Variants in CCDC30 observed in about 807,000 individuals in gnomAD.
CCDC30 encodes coiled-coil domain-containing protein 30.
In CCDC30, 70 loss-of-function variants were observed where a neutral mutation model predicts 100.2. That is an observed-to-expected ratio of 0.70 (90% confidence interval 0.58 to 0.85). The LOEUF is 0.85. Ranked by LOEUF, CCDC30 falls within the 40% of genes least tolerant of loss-of-function variation. The probability of loss-of-function intolerance (pLI) is 0.00; values close to 1 mark genes in which losing one functional copy is unlikely to be tolerated. For synonymous variants in CCDC30, 233 were observed against 269.5 expected (o/e 0.86, Z 1.33); for missense variants, 652 against 771.2 (o/e 0.85, Z 1.83).
chr1:42,543,272 C>G (rs1645052812), intron 6 of CCDC30, among the ~76,000 whole-genome samples: 2 of 138,334 alleles, frequency 1.4e-5, no homozygotes, highest in Admixed American at 7.0e-5. Context: ...CACAACTGGC[C>G]TTCTTTTTTT....
chr1:42,546,101 G>C (rs947376636), intron 6 of CCDC30, among the ~76,000 whole-genome samples: 22 of 151,628 alleles, frequency 1.5e-4, no homozygotes, highest in African/African-American at 5.1e-4. Flanking sequence ...TATGCGGCCT[G>C]TTACATATGC....
rs142325735 is a variant in CCDC30, at chr1:42,542,186, G to A, written c.457-24110G>A. Among the ~76,000 whole-genome samples the A allele has an allele frequency of 3.8e-3, 584 of 152,268 alleles. 8 individuals carry two copies. Among genetic ancestry groups the A allele is most frequent in the African/African-American group, 0.013 (542 of 41,558 alleles). ...TTCCACAATAGCCATGTCATGGAGGGTCTGATGGCTTTAACTTTCTTTGTT... is the reference window on the plus strand; with the variant it reads ...TTCCACAATAGCCATGTCATGGAGGATCTGATGGCTTTAACTTTCTTTGTT... On this transcript the variant is annotated intron_variant, in intron 6 of 16. Coordinates refer to ENST00000668663, the Ensembl canonical transcript of CCDC30.
At chr1:42,489,253 T>C (rs1339290839) in intron 3 of CCDC30, among the ~76,000 whole-genome samples, 1 of 152,258 alleles carries the variant, frequency 6.6e-6, no homozygotes, top group Non-Finnish European at 1.5e-5. Context: ...TGCTTAACTT[T>C]TCTGAGTCTT....
At chr1:42,469,151 G>A (rs889063460) in intron 1 of CCDC30, among the ~76,000 whole-genome samples, 2 of 152,146 alleles carry the variant, frequency 1.3e-5, no homozygotes, top group Non-Finnish European at 2.9e-5. Context: ...GGCTGAAATG[G>A]GAGGATCACT....
chr1:42,479,917 T>C lies in CCDC30; in HGVS notation c.-91-544T>C, dbSNP rs1643931367. Among the ~76,000 whole-genome samples, 4 of 152,096 alleles carry C rather than the reference T, an allele frequency of 2.6e-5. No individual in the cohort carries two copies. The South Asian group carries it at 8.3e-4, about 32-fold the overall frequency. ...TGGGCTGGCAGGGAAGTGAAACTCA[T>C]TAGTTTAAGGACTGTGTGGAGTACA... On this transcript the variant is annotated intron_variant, in intron 1 of 16. Transcript: ENST00000668663.
chr1:42,528,141 C>T (rs576326974), intron 6 of CCDC30, among the ~76,000 whole-genome samples: 2 of 152,210 alleles, frequency 1.3e-5, no homozygotes, highest in Non-Finnish European at 2.9e-5. Flanking sequence ...GCTGGGATTA[C>T]AGGCATGAGC....
exon 13 of CCDC30, chr1:42,642,538 T>C: frequency 6.2e-7 from 1 of 1,605,896 alleles, no homozygotes; most frequent in Non-Finnish European, 8.5e-7. Flanking sequence ...AAAGGAAACT[T>C]CAGGAGCAAG....
chr1:42,473,970 T>TA (rs1347429796), intron 1 of CCDC30, among the ~76,000 whole-genome samples: 1 of 69,040 alleles, frequency 1.4e-5, no homozygotes, highest in Admixed American at 1.4e-4. Flanking sequence ...GATAAAGCTA[T>TA]TTTTTTTTTG....
chr1:42,476,536 C>CAA, intron 1 of CCDC30, among the ~76,000 whole-genome samples: 2 of 151,902 alleles, frequency 1.3e-5, no homozygotes, highest in Admixed American at 6.6e-5. Flanking sequence ...ACTAAAAATA[C>CAA]AAAATTAGCC....
At chr1:42,526,790 T>G (rs1451762388) in intron 6 of CCDC30, among the ~76,000 whole-genome samples, 3 of 152,210 alleles carry the variant, frequency 2.0e-5, no homozygotes, top group African/African-American at 7.2e-5. Context: ...AAATTTTTCT[T>G]TACAAATTGA....
intron 9 of CCDC30, among the ~76,000 whole-genome samples, chr1:42,581,860 A>G (rs573603967): frequency 1.8e-4 from 27 of 152,144 alleles, no homozygotes; most frequent in Non-Finnish European, 3.2e-4. Context: ...TCAAACTACA[A>G]TGAAGTTGAT....
chr1:42,581,391 C>G (rs917309716), exon 9 of CCDC30: 1 of 1,610,152 alleles, frequency 6.2e-7, no homozygotes, highest in African/African-American at 1.3e-5. Context: ...TTAGAACATG[C>G]TCATAAAGTC....
chr1:42,602,761 G>A (rs1336115220), intron 10 of CCDC30, among the ~76,000 whole-genome samples: 1 of 152,206 alleles, frequency 6.6e-6, no homozygotes. Flanking sequence ...GGAGATGGAA[G>A]CAGAGGGAAT....
chr1:42,642,029 T>G (rs550350201), intron 12 of CCDC30, among the ~76,000 whole-genome samples: 1 of 151,904 alleles, frequency 6.6e-6, no homozygotes, highest in South Asian at 2.1e-4. Flanking sequence ...ATCGAGACCA[T>G]CCTGGCTAAC....
At chr1:42,472,028 T>G (rs898406724) in intron 1 of CCDC30, among the ~76,000 whole-genome samples, 1 of 152,158 alleles carries the variant, frequency 6.6e-6, no homozygotes, top group African/African-American at 2.4e-5. Context: ...GTTAGTGGTT[T>G]TAATCACTTG....
chr1:42,646,053 T>C, intron 14 of CCDC30, 82 bp from the exon 19 acceptor site: 1 of 1,478,280 alleles, frequency 6.8e-7, no homozygotes, highest in South Asian at 1.5e-5. Context: ...AAACTCAATA[T>C]TCCGTATGTG....
chr1:42,575,108 A>G (rs1224931790), intron 7 of CCDC30, among the ~76,000 whole-genome samples: 2 of 152,234 alleles, frequency 1.3e-5, no homozygotes, highest in Non-Finnish European at 2.9e-5. Flanking sequence ...GCACAGATGA[A>G]GGACATTATA....
At chr1:42,585,117 G>A (rs997914562) in intron 9 of CCDC30, among the ~76,000 whole-genome samples, 3 of 152,078 alleles carry the variant, frequency 2.0e-5, no homozygotes, top group Admixed American at 1.3e-4. Flanking sequence ...GTGAGCTTTC[G>A]TAGTTTGTGT....
chr1:42,489,097 C>T (rs1000075223), intron 3 of CCDC30, among the ~76,000 whole-genome samples: 3 of 152,198 alleles, frequency 2.0e-5, no homozygotes, highest in African/African-American at 7.2e-5. Context: ...ACTTTACTTT[C>T]TCTCCTTCTT....
Sources: gnomAD v4.1 joint callset for allele counts (sites outside exome capture counted in the v4.1 genomes callset) on GRCh38, gnomAD v4.1.1 for gene constraint, MANE v1.5 for transcripts, NCBI Gene and HGNC (gene_info 2026-07-23, HGNC 2026-07-21) for gene names.